The following NFRKB variants were observed in gnomAD, a reference collection of about 807,000 sequenced individuals.
NFRKB encodes the protein nuclear factor related to kappaB binding protein.
A neutral mutation model predicts 135.7 loss-of-function variants in NFRKB; 62 were observed. That is an observed-to-expected ratio of 0.46 (90% CI 0.37 to 0.56). NFRKB has a LOEUF of 0.56. NFRKB is among the 20% of genes least tolerant of loss of function. The pLI is 0.00. For missense variants in NFRKB, 1,545 were observed against 1,662.0 expected (o/e 0.93, Z 1.22); for synonymous variants, 678 against 635.6 (o/e 1.07, Z -1.00).
At chr11:129,870,932 C>G (rs1465070291) in intron 23 of NFRKB, among the ~76,000 whole-genome samples, 1 of 152,202 alleles carries the variant, frequency 6.6e-6, no homozygotes. Context: ...ACCTACTCCA[C>G]TCCACATTCA....
intron 23 of NFRKB, chr11:129,872,602 A>G (rs1948567475): frequency 3.9e-6 from 1 of 257,610 alleles, no homozygotes; most frequent in Non-Finnish European, 7.4e-6. Flanking sequence ...GGCCATGGGA[A>G]TTTCACTAAA....
chr11:129,883,219 T>A lies in NFRKB; in HGVS notation c.817-13A>T, dbSNP rs1219348132. ...GGTCCGGGTGATCCTAGATGTGATA[T>A]CCAGAATTTGGTCATGGAGGCCCAA... On this transcript the variant is annotated splice_polypyrimidine_tract_variant and intron_variant, in intron 8 of 26. Transcript: ENST00000682444. 1.1e-5 allele frequency: 18 copies of A among 1,612,866 alleles called. No individual in the cohort carries two copies. The highest frequency in any genetic ancestry group is 1.5e-5 in the Non-Finnish European group (18 of 1,179,512).
chr11:129,874,839 T>C lies in NFRKB; in HGVS notation c.1932A>G (p.Arg644=). The change falls in exon 19 of 27, where the codon CGA becomes CGG. Residue 644 remains arginine, a synonymous_variant. Transcript: ENST00000682444. This position sits in a 1 kb window ranked among gnomAD's most constrained non-coding sequence, Gnocchi z 4.5. ...KDPCVKYDIG[R]KLWIYLHRDR... ...CACGATGCAGGTAGATCCACAGCTT[T>C]CGTCCAATGTCGTATTTCACACAGG... 3 of 1,614,228 alleles carry C rather than the reference T, an allele frequency of 1.9e-6. No individual in the cohort carries two copies. Among genetic ancestry groups the C allele is most frequent in the Non-Finnish European group, 2.5e-6 (3 of 1,180,042 alleles).
rs867337719 is a variant in NFRKB, at chr11:129,865,974, G to A, written c.3541C>T (p.Pro1181Ser). 2 of 1,590,204 alleles carry A rather than the reference G, an allele frequency of 1.3e-6. No homozygotes were observed. The highest frequency in any genetic ancestry group is 2.7e-5 in the African/African-American group (2 of 73,822). The change falls in exon 25 of 27, where the codon CCT becomes TCT. Residue 1181 changes from proline (P) to serine (S), a missense_variant. By Grantham distance (74) the Pro-to-Ser change is moderately conservative. Around this residue, in one of 3 missense-constraint regions of NFRKB, gnomAD observed 753 missense variants for 804.3 expected, o/e 0.94. Coordinates refer to ENST00000682444, the MANE Select transcript of NFRKB (RefSeq NM_001143835.2). The stretch of plus-strand genomic sequence containing the variant: ...GAGAGGGGAACTGTGATCCGTGTAG[G>A]CAACTTCCCCTAGAAAAAAAAAGCA... ...VVSTSQAGKLPTRITVPLSVI... is the reference protein window; with the variant it reads ...VVSTSQAGKLSTRITVPLSVI...
rs1180846825 is a variant in NFRKB, at chr11:129,874,146, G to C, written c.2246C>G (p.Ser749Cys). ...AGACTTAGCTGGTTCTGAGACTGTG[G>C]AAGGGCCGCTTTTGTTCACTGCCGA... ...PVSAVNKSGP[S>C]TVSEPAKSSS... The change falls in exon 21 of 27, where the codon TCC (serine) becomes TGC (cysteine). Residue 749 changes from serine to cysteine, a missense_variant. Around this residue, in one of 3 missense-constraint regions of NFRKB, gnomAD observed 753 missense variants for 804.3 expected, o/e 0.94. Coordinates refer to ENST00000682444, the MANE Select transcript of NFRKB (RefSeq NM_001143835.2). The surrounding 1 kb of genome is among the most constrained non-coding windows in gnomAD (Gnocchi z 4.5). 1 of 1,528,722 alleles carries C rather than the reference G, an allele frequency of 6.5e-7. No individual in the cohort carries two copies. The highest frequency in any genetic ancestry group is 1.4e-5 in the African/African-American group (1 of 71,986). 94.7% of individuals were successfully genotyped at this position (1,528,722 alleles called of 1,614,324 possible).
intron 13 of NFRKB, among the ~76,000 whole-genome samples, chr11:129,879,906 G>C (rs976512587): frequency 6.6e-6 from 1 of 152,178 alleles, no homozygotes; most frequent in Non-Finnish European, 1.5e-5. Context: ...ACTAAAGTCA[G>C]GCTGGGTGCA....
Position 129,873,040 on chromosome 11 carries a change from C to A in NFRKB, c.2607G>T (p.Arg869=). ...TGAGCCCTGTCTGCCCGGGTCCAGGCCGCTGCACAGTGGCTGCCGTAGTCT... is the reference window on the plus strand; with the variant it reads ...TGAGCCCTGTCTGCCCGGGTCCAGGACGCTGCACAGTGGCTGCCGTAGTCT... ...KAQTTAATVQ[R]PGPGQTGLTV... is the part of the protein sequence containing the mutation. Residue 869 remains arginine, a synonymous_variant, in exon 23 of 27, where the codon CGG becomes CGT. Transcript: ENST00000682444. 1 of 1,614,006 alleles carries A rather than the reference C, an allele frequency of 6.2e-7. No homozygotes were observed. Among genetic ancestry groups the A allele is most frequent in the Non-Finnish European group, 8.5e-7 (1 of 1,179,948 alleles).
At chr11:129,881,602 G>A in intron 12 of NFRKB, 94 bp from the exon 13 acceptor site, 2 of 1,590,756 alleles carry the variant, frequency 1.3e-6, no homozygotes, top group South Asian at 1.1e-5. Flanking sequence ...AGAAAAGCAG[G>A]AACCTTCAAG....
Position 129,881,760 on chromosome 11 carries a change from G to A in NFRKB, c.1285C>T (p.Pro429Ser). 3.7e-6 allele frequency: 6 copies of A among 1,614,144 alleles called. No individual in the cohort carries two copies. In the South Asian group the frequency reaches 6.6e-5, roughly 18 times the overall value. Reference protein sequence around the residue: ...AAPNWAELVLPALQYLAGESR... With the variant: ...AAPNWAELVLSALQYLAGESR... ...TCTCCAGCAAGATACTGCAGGGCTGGTAGTACCAACTCAGCCCAGTTGGGG... is the reference window on the plus strand; with the variant it reads ...TCTCCAGCAAGATACTGCAGGGCTGATAGTACCAACTCAGCCCAGTTGGGG... The change falls in exon 12 of 27, where the codon CCA becomes TCA. Residue 429 changes from proline to serine, a missense_variant. By Grantham distance (74) the Pro-to-Ser change is moderately conservative. Transcript: ENST00000682444.
At chr11:129,883,533 G>C (rs1216639659) in intron 8 of NFRKB, among the ~76,000 whole-genome samples, 1 of 152,196 alleles carries the variant, frequency 6.6e-6, no homozygotes, top group Non-Finnish European at 1.5e-5. Flanking sequence ...GGGCTTTAGA[G>C]AAGTATCACA....
In NFRKB at chr11:129,886,317, A is replaced by G. The variant is rs773384036; in HGVS notation, c.465T>C (p.Ser155=). The G allele has an allele frequency of 6.2e-7, 1 of 1,613,468 alleles. No individual in the cohort carries two copies. The highest frequency in any genetic ancestry group is 1.1e-5 in the South Asian group (1 of 91,042). Reference sequence around the variant, plus strand: ...ATATCCAGTTCCCAGCACTACTTACACTCCGGGAAGCAAGAATTTGCTTCA... The same window carrying G: ...ATATCCAGTTCCCAGCACTACTTACGCTCCGGGAAGCAAGAATTTGCTTCA... ...RLLKQILASR[S]DLLEMARRSG... The change falls in exon 5 of 27, where the codon AGT becomes AGC. Residue 155 remains serine, a splice_region_variant and synonymous_variant. Transcript: ENST00000682444.
At chr11:129,883,299 G>A in intron 8 of NFRKB, 93 bp from the exon 9 acceptor site, 1 of 859,452 alleles carries the variant, frequency 1.2e-6, no homozygotes, top group South Asian at 1.4e-5. Flanking sequence ...TAGATGTTAG[G>A]TACACTTGGG....
Position 129,875,342 on chromosome 11 carries a change from T to C in NFRKB, c.1854+15A>G. On this transcript the variant is annotated intron_variant, in intron 18 of 26. Transcript: ENST00000682444. ...ATTCTGGAACAAAGCAAAAGTAATC[T>C]CTTCTCCGTCCTACCTGAGTGCTGG... The C allele has an allele frequency of 6.3e-7, 1 of 1,589,146 alleles. No individual in the cohort carries two copies. Among genetic ancestry groups the C allele is most frequent in the Non-Finnish European group, 8.6e-7 (1 of 1,162,080 alleles).
intron 4 of NFRKB, 71 bp downstream of exon 4, chr11:129,888,523 G>C: frequency 7.2e-7 from 1 of 1,383,584 alleles, no homozygotes. Context: ...AAGGAAGAAA[G>C]GAATACCCAC....
intron 8 of NFRKB, 28 bp from the exon 9 acceptor site, chr11:129,883,234 T>A: frequency 1.2e-6 from 2 of 1,602,718 alleles, no homozygotes; most frequent in Non-Finnish European, 1.7e-6. Flanking sequence ...AATTTGGTCA[T>A]GGAGGCCCAA....
chr11:129,884,265 A>G, intron 7 of NFRKB, 122 bp from the exon 8 acceptor site: 2 of 979,456 alleles, frequency 2.0e-6, no homozygotes, highest in Non-Finnish European at 3.2e-6. Context: ...ACAAGTACCA[A>G]AAATCTTTAA....
chr11:129,883,333 TAG>T (rs1447160102), intron 8 of NFRKB, 127 bp from the exon 9 acceptor site: 12 of 685,972 alleles, frequency 1.7e-5, no homozygotes, highest in African/African-American at 3.6e-5. Context: ...GTCAAAAATA[TAG>T]AGAGATAAAA....
At chr11:129,893,506 G>A (rs1344287912) in intron 2 of NFRKB, 1 of 195,054 alleles carries the variant, frequency 5.1e-6, no homozygotes, top group African/African-American at 2.4e-5. Context: ...GGTACAATAA[G>A]CCGTGATCAC....
intron 23 of NFRKB, among the ~76,000 whole-genome samples, chr11:129,870,819 ATCT>A (rs958284818): frequency 3.3e-5 from 5 of 152,132 alleles, no homozygotes; most frequent in Non-Finnish European, 7.4e-5. Context: ...GGCATGATCT[ATCT>A]TCTCCCTTCT....
Sources: gnomAD v4.1 joint callset for allele counts (sites outside exome capture counted in the v4.1 genomes callset) on GRCh38, gnomAD v4.1.1 for gene constraint, gnomAD v4.1.1 regional missense constraint, Gnocchi (gnomAD v3.1) non-coding constraint, MANE v1.5 for transcripts, NCBI Gene and HGNC (gene_info 2026-07-23, HGNC 2026-07-21) for gene names.